PCP4L1: variants seen among roughly 807,000 people sequenced by gnomAD.
The protein encoded by PCP4L1 is Purkinje cell protein 4-like protein 1.
In PCP4L1, 9 loss-of-function variants were observed where a neutral mutation model predicts 9.6. The ratio of observed to expected loss-of-function variants is 0.94; its 90% CI spans 0.57 to 1.64. The LOEUF is 1.64. Ranked by LOEUF, PCP4L1 falls within the 40% of genes most tolerant of loss-of-function variation. The pLI, the probability that PCP4L1 is intolerant of heterozygous loss-of-function variation, is 0.00. For synonymous variants in PCP4L1, 31 were observed against 28.2 expected, an observed-to-expected ratio of 1.10 and a Z score of -0.31; for missense variants, 81 against 80.8, an observed-to-expected ratio of 1.00 and a Z score of -0.01.
intron 1 of PCP4L1, among the ~76,000 whole-genome samples, chr1:161,277,067 G>A (rs1187373522): frequency 2.0e-5 from 3 of 152,114 alleles, no homozygotes; most frequent in South Asian, 2.1e-4. Flanking sequence ...AACCTGGGCA[G>A]CATAGTGAGA....
At chr1:161,265,795 G>A (rs1421708813) in intron 1 of PCP4L1, among the ~76,000 whole-genome samples, 3 of 140,906 alleles carry the variant, frequency 2.1e-5, no homozygotes, top group Non-Finnish European at 3.0e-5. Context: ...CTGGAGTGCA[G>A]TGGCATGATC....
Position 161,283,684 on chromosome 1 carries a change from C to T in PCP4L1, c.26C>T (p.Ser9Phe). 3 of 1,603,578 alleles carry T rather than the reference C, an allele frequency of 1.9e-6. No homozygotes were observed. Among genetic ancestry groups the T allele is most frequent in the Non-Finnish European group, 1.7e-6 (2 of 1,174,632 alleles). The change falls in exon 2 of 3, where the codon TCC (serine) becomes TTC (phenylalanine). Residue 9 changes from serine (S) to phenylalanine (F), a missense_variant. Ser to Phe is a radical substitution (Grantham distance 155). Coordinates refer to ENST00000504449, the MANE Select transcript of PCP4L1 (RefSeq NM_001102566.2). ...TTTTTCCAGCTTAATACCAAAACAT[C>T]CCCAGCAACCAACCAGGCAGCTGGC... is the stretch of plus-strand genomic sequence containing the variant. Reference protein sequence around the residue: MSELNTKTSPATNQAAGQE... With the variant: MSELNTKTFPATNQAAGQE...
In PCP4L1 at chr1:161,280,551, C is replaced by T. The variant is rs548039717; in HGVS notation, c.10-3117C>T. Among the ~76,000 whole-genome samples, 10 of 152,302 alleles carry T rather than the reference C, an allele frequency of 6.6e-5. No individual in the cohort carries two copies. In the East Asian group the frequency reaches 1.7e-3, roughly 26 times the overall value. On this transcript the variant is annotated intron_variant, in intron 1 of 2. Coordinates refer to ENST00000504449, the MANE Select transcript of PCP4L1 (RefSeq NM_001102566.2). ...CTATATTTGCTGCTGCAATTCCTCTCTTCCTTTTCCCTCTTGAGCCCATTA... is the reference window on the plus strand; with the variant it reads ...CTATATTTGCTGCTGCAATTCCTCTTTTCCTTTTCCCTCTTGAGCCCATTA...
chr1:161,284,475 C>G lies in PCP4L1; in HGVS notation c.201C>G (p.Ser67Arg), dbSNP rs1240077630. The part of the protein sequence containing the change: ...RRFQKRKKDP[S>R]S ...TTCAGAAAAGGAAAAAGGATCCCAGCTCCTGAATGGCCAGGCTTGCCCTTC... is the reference window on the plus strand; with the variant it reads ...TTCAGAAAAGGAAAAAGGATCCCAGGTCCTGAATGGCCAGGCTTGCCCTTC... The change falls in exon 3 of 3, where the codon AGC (serine) becomes AGG (arginine). Residue 67 changes from serine to arginine, a missense_variant. Ser to Arg is a moderately radical substitution (Grantham distance 110). Coordinates refer to ENST00000504449, the MANE Select transcript of PCP4L1 (RefSeq NM_001102566.2). The G allele has an allele frequency of 1.2e-6, 2 of 1,612,774 alleles. No individual in the cohort carries two copies. Among genetic ancestry groups the G allele is most frequent in the African/African-American group, 2.7e-5 (2 of 74,908 alleles).
In PCP4L1 at chr1:161,284,786, G is replaced by T. The variant is rs928992860; in HGVS notation, c.*305G>T. The T allele has an allele frequency of 3.4e-5, 12 of 357,960 alleles. No individual in the cohort carries two copies. The highest frequency in any genetic ancestry group is 2.2e-4 in the African/African-American group (11 of 49,158). 22.2% of individuals were successfully genotyped at this position (357,960 alleles called of 1,614,324 possible). On this transcript the variant is annotated 3_prime_UTR_variant, in exon 3 of 3. Transcript: ENST00000504449. ...TAAACAAGAGGCTTCGAGGCTGAGA[G>T]ATCTCCCCAAAGAACAATGTGGGAA...
At chr1:161,260,570 A>G (rs1432079306) in intron 1 of PCP4L1, among the ~76,000 whole-genome samples, 1 of 152,206 alleles carries the variant, frequency 6.6e-6, no homozygotes, top group Non-Finnish European at 1.5e-5. Context: ...GAGGATTTGC[A>G]GTTAGCCTGT....
intron 1 of PCP4L1, among the ~76,000 whole-genome samples, chr1:161,271,549 G>A (rs1212419153): frequency 6.6e-6 from 1 of 152,104 alleles, no homozygotes; most frequent in Non-Finnish European, 1.5e-5. Flanking sequence ...TGTCGCCCAG[G>A]CTGGAGTGTA....
chr1:161,260,840 CAG>C (rs1669405107), intron 1 of PCP4L1, among the ~76,000 whole-genome samples: 1 of 152,152 alleles, frequency 6.6e-6, no homozygotes, highest in Non-Finnish European at 1.5e-5. Context: ...CCTAGGCTAT[CAG>C]AGCAAACTGG....
intron 1 of PCP4L1, among the ~76,000 whole-genome samples, chr1:161,277,955 A>G (rs982387112): frequency 6.6e-6 from 1 of 152,062 alleles, no homozygotes; most frequent in African/African-American, 2.4e-5. Context: ...CTTCATTCCT[A>G]TATTGTAGAT....
At chr1:161,278,820 T>C (rs1212782414) in intron 1 of PCP4L1, among the ~76,000 whole-genome samples, 1 of 152,178 alleles carries the variant, frequency 6.6e-6, no homozygotes, top group African/African-American at 2.4e-5. Flanking sequence ...CTCACTCTTG[T>C]TGCTGAGGCT....
At chr1:161,264,287 G>A (rs1669469549) in intron 1 of PCP4L1, among the ~76,000 whole-genome samples, 1 of 151,518 alleles carries the variant, frequency 6.6e-6, no homozygotes, top group African/African-American at 2.4e-5. Context: ...GGGAGGCCAA[G>A]GTAGGTGGAT....
intron 1 of PCP4L1, among the ~76,000 whole-genome samples, chr1:161,281,267 C>A (rs1395043898): frequency 6.6e-6 from 1 of 152,050 alleles, no homozygotes; most frequent in Non-Finnish European, 1.5e-5. Flanking sequence ...AGCAACCATC[C>A]GATTTCTCAA....
chr1:161,279,552 C>T (rs1207116270), intron 1 of PCP4L1, among the ~76,000 whole-genome samples: 1 of 152,130 alleles, frequency 6.6e-6, no homozygotes, highest in Admixed American at 6.5e-5. Flanking sequence ...AAAGCAGAAC[C>T]CTTACGTCTG....
At chr1:161,269,359 G>A (rs756764024) in intron 1 of PCP4L1, among the ~76,000 whole-genome samples, 1 of 152,160 alleles carries the variant, frequency 6.6e-6, no homozygotes, top group East Asian at 1.9e-4. Flanking sequence ...AGGCACATAT[G>A]TTAAAGTGAA....
At chr1:161,264,440 C>T (rs538416399) in intron 1 of PCP4L1, among the ~76,000 whole-genome samples, 1 of 152,192 alleles carries the variant, frequency 6.6e-6, no homozygotes, top group African/African-American at 2.4e-5. Flanking sequence ...TTGCTTGAAC[C>T]TGGGAGGCAG....
rs888074860 is a variant in PCP4L1, at chr1:161,266,198, G to C, written c.9+7215G>C. Reference sequence around the variant, plus strand: ...GCCCAGTACCCCACCCAGGGAAAAGGGGTACATTTATCGTTCTGTTGTCCT... The same window carrying C: ...GCCCAGTACCCCACCCAGGGAAAAGCGGTACATTTATCGTTCTGTTGTCCT... On this transcript the variant is annotated intron_variant, in intron 1 of 2. Coordinates refer to ENST00000504449, the MANE Select transcript of PCP4L1 (RefSeq NM_001102566.2). 2.0e-5 allele frequency among the ~76,000 whole-genome samples: 3 copies of C among 152,120 alleles called. No individual in the cohort carries two copies. The East Asian group carries it at 5.8e-4, about 29-fold the overall frequency.
chr1:161,284,367 G>A lies in PCP4L1; in HGVS notation c.93G>A (p.Glu31=). ...KGKAGNVKKA[E]EEEEIDIDLT... is the part of the protein sequence containing the mutation. ...AAGCTGGCAATGTCAAGAAGGCGGA[G>A]GAGGAGGAGGAGATTGACATTGATC... is the stretch of plus-strand genomic sequence containing the variant. Residue 31 remains glutamate, a synonymous_variant, in exon 3 of 3, where the codon GAG becomes GAA. Coordinates refer to ENST00000504449, the MANE Select transcript of PCP4L1 (RefSeq NM_001102566.2). 1 of 1,613,962 alleles carries A rather than the reference G, an allele frequency of 6.2e-7. No individual in the cohort carries two copies. Among genetic ancestry groups the A allele is most frequent in the South Asian group, 1.1e-5 (1 of 91,090 alleles).
At chr1:161,267,719 G>T (rs10660182) in intron 1 of PCP4L1, among the ~76,000 whole-genome samples, 1 of 151,800 alleles carries the variant, frequency 6.6e-6, no homozygotes, top group East Asian at 1.9e-4. Context: ...TTTTGTTTTT[G>T]TTTTTTTAGA....
intron 1 of PCP4L1, among the ~76,000 whole-genome samples, chr1:161,263,639 T>C (rs945031334): frequency 6.6e-6 from 1 of 151,368 alleles, no homozygotes; most frequent in African/African-American, 2.4e-5. Context: ...TGGAGTACAG[T>C]GGCATGATCA....
Sources: allele counts gnomAD v4.1 joint callset (sites outside exome capture counted in the v4.1 genomes callset), GRCh38; gene constraint gnomAD v4.1.1; transcripts MANE v1.5; gene names NCBI Gene and HGNC (gene_info 2026-07-23, HGNC 2026-07-21).